The following SOX5 variants were observed in gnomAD, a reference collection of about 807,000 sequenced individuals.
The protein encoded by SOX5 is SRY-box transcription factor 5.
Under a neutral mutation model 92.0 loss-of-function variants are expected in SOX5, and 9 were observed. That is an observed-to-expected ratio of 0.10 (90% confidence interval 0.06 to 0.17). SOX5 has a LOEUF of 0.17. Among genes scored for constraint, SOX5 ranks in the 10% least tolerant of loss-of-function variants. The pLI is 1.00. For synonymous variants in SOX5, 344 were observed against 336.3 expected (o/e 1.02, Z -0.25); for missense variants, 642 against 944.5 (o/e 0.68, Z 4.20).
chr12:24,342,590 C>A (rs1952703812), intron 2 of SOX5, among the ~76,000 whole-genome samples: 1 of 152,186 alleles, frequency 6.6e-6, no homozygotes, highest in Non-Finnish European at 1.5e-5. Flanking sequence ...TCGTATAAAT[C>A]ATAGATCCTT....
intron 4 of SOX5, among the ~76,000 whole-genome samples, chr12:23,981,040 C>G (rs935943980): frequency 6.6e-6 from 1 of 152,156 alleles, no homozygotes; most frequent in African/African-American, 2.4e-5. Context: ...AGTAATGAGT[C>G]TGAAGCTAGT....
intron 1 of SOX5, among the ~76,000 whole-genome samples, chr12:24,553,378 G>A (rs947802868): frequency 1.3e-5 from 2 of 152,238 alleles, no homozygotes; most frequent in South Asian, 2.1e-4. Flanking sequence ...ATCCATGTAT[G>A]GCATCTAGCA....
In SOX5 at chr12:23,906,389, G is replaced by A. The variant is rs886164172; in HGVS notation, c.39-10365C>T. Among the ~76,000 whole-genome samples the A allele has an allele frequency of 8.5e-5, 13 of 152,324 alleles. No individual in the cohort carries two copies. The East Asian group carries it at 2.5e-3, about 29-fold the overall frequency. ...GGTTTTGCCTTTCTGACAGCTCTAA[G>A]TCCACAGGATGTGGAGGGATGATTT... On this transcript the variant is annotated intron_variant, in intron 1 of 14. Transcript: ENST00000451604.
chr12:24,374,896 C>T (rs1210080783), intron 1 of SOX5, among the ~76,000 whole-genome samples: 1 of 152,130 alleles, frequency 6.6e-6, no homozygotes, highest in Non-Finnish European at 1.5e-5. Flanking sequence ...TAGGGTGACA[C>T]GCAATTAAAA....
At chr12:24,207,236 CT>C (rs536091334) in intron 4 of SOX5, among the ~76,000 whole-genome samples, 152 of 152,300 alleles carry the variant, frequency 1.0e-3, no homozygotes, top group Non-Finnish European at 1.5e-3. Context: ...CCATCACTTC[CT>C]TTTGGAGCTA....
At chr12:24,454,829 C>G (rs906094326) in intron 1 of SOX5, among the ~76,000 whole-genome samples, 2 of 152,042 alleles carry the variant, frequency 1.3e-5, no homozygotes, top group Non-Finnish European at 2.9e-5. Flanking sequence ...TCTGCAGCCT[C>G]TAATTTGACA....
At chr12:24,359,348 C>T (rs961986789) in intron 2 of SOX5, among the ~76,000 whole-genome samples, 1 of 152,192 alleles carries the variant, frequency 6.6e-6, no homozygotes, top group African/African-American at 2.4e-5. Flanking sequence ...CTTGATGCTC[C>T]GGTCTTGCCG....
At chr12:24,234,072 T>A (rs1171414630) in intron 3 of SOX5, among the ~76,000 whole-genome samples, 6 of 152,222 alleles carry the variant, frequency 3.9e-5, no homozygotes, top group Non-Finnish European at 7.3e-5. Context: ...TCATACTTCC[T>A]ATTGTGCTAG....
At chr12:23,711,268 C>T (rs1386146066) in intron 6 of SOX5, among the ~76,000 whole-genome samples, 1 of 152,118 alleles carries the variant, frequency 6.6e-6, no homozygotes, top group Admixed American at 6.6e-5. Flanking sequence ...GAAAATAATT[C>T]ACATTACACC....
At chr12:23,879,068 T>G (rs1212249052) in intron 2 of SOX5, among the ~76,000 whole-genome samples, 1 of 152,164 alleles carries the variant, frequency 6.6e-6, no homozygotes, top group East Asian at 1.9e-4. Context: ...AATACAATAT[T>G]TATTTGAAAG....
intron 10 of SOX5, among the ~76,000 whole-genome samples, chr12:23,570,921 AAAAAAAAAAATATATATATATATAT>A (rs1948116960): frequency 9.3e-5 from 4 of 42,856 alleles, no homozygotes; most frequent in African/African-American, 3.6e-4. Flanking sequence ...AAAAAAAAAA[AAAAAAAAAAATATATATATATATAT>A]ATATATATAT....
At position 24,262,947 on chromosome 12, in the gene SOX5, C is replaced by T. The variant is rs115205029; in HGVS notation, c.-77+14269G>A. 3.7e-3 allele frequency among the ~76,000 whole-genome samples: 569 copies of T among 152,244 alleles called. 2 individuals carry two copies. The highest frequency in any genetic ancestry group is 0.013 in the African/African-American group (540 of 41,534). On this transcript the variant is annotated intron_variant, in intron 3 of 4. Transcript: ENST00000446891. ...CTTATAAGGAAATTACTGGGCTGCG[C>T]GCAGTGGCTCATGCCTGTAATCCCA... is the stretch of plus-strand genomic sequence containing the variant.
At chr12:23,733,687 A>G (rs2093478050) in intron 6 of SOX5, among the ~76,000 whole-genome samples, 1 of 152,212 alleles carries the variant, frequency 6.6e-6, no homozygotes, top group Admixed American at 6.5e-5. Flanking sequence ...TTAAAACATG[A>G]TTAATACAAG....
chr12:23,972,353 G>T (rs1262120762), intron 4 of SOX5, among the ~76,000 whole-genome samples: 10 of 151,824 alleles, frequency 6.6e-5, no homozygotes, highest in Non-Finnish European at 1.3e-4. Context: ...TGGTTTTTTT[G>T]TTTGTTTGTT....
intron 4 of SOX5, among the ~76,000 whole-genome samples, chr12:24,204,798 C>T (rs1031385741): frequency 6.6e-6 from 1 of 152,108 alleles, no homozygotes; most frequent in Non-Finnish European, 1.5e-5. Context: ...GAGAATAAAG[C>T]CTGTGTTTCT....
chr12:23,767,320 A>C (rs548922922), intron 3 of SOX5, among the ~76,000 whole-genome samples: 2 of 152,296 alleles, frequency 1.3e-5, no homozygotes, highest in South Asian at 4.1e-4. Flanking sequence ...TTGCAAACAG[A>C]AAAGAGAAAC....
intron 4 of SOX5, among the ~76,000 whole-genome samples, chr12:24,000,670 A>T (rs530021750): frequency 1.3e-5 from 2 of 152,294 alleles, no homozygotes; most frequent in South Asian, 4.1e-4. Flanking sequence ...CATAGAAAAC[A>T]AATGGAAATG....
At position 23,949,656 on chromosome 12, in the gene SOX5, C is replaced by G; in HGVS notation, c.-55G>C. 1 of 1,613,716 alleles carries G rather than the reference C, an allele frequency of 6.2e-7. No individual in the cohort carries two copies. The highest frequency in any genetic ancestry group is 8.5e-7 in the Non-Finnish European group (1 of 1,179,764). On this transcript the variant is annotated 5_prime_UTR_variant, in exon 1 of 15. Coordinates refer to ENST00000451604, the MANE Select transcript of SOX5 (RefSeq NM_006940.6). ...AGCAGCCACCTATGATCGTCTCCAA[C>G]TGAACCTGTCAAGTGAGTCCAAACC...
chr12:23,873,383 G>A (rs1366500556), intron 2 of SOX5, among the ~76,000 whole-genome samples: 2 of 152,100 alleles, frequency 1.3e-5, no homozygotes, highest in East Asian at 3.9e-4. Context: ...AGAGGTGTGA[G>A]AATCATCTGA....
Sources: allele counts gnomAD v4.1 joint callset (sites outside exome capture counted in the v4.1 genomes callset), GRCh38; gene constraint gnomAD v4.1.1; transcripts MANE v1.5; gene names NCBI Gene and HGNC (gene_info 2026-07-23, HGNC 2026-07-21).